The following ITIH2 variants were observed in gnomAD, a reference collection of about 807,000 sequenced individuals.
ITIH2 encodes inter-alpha-trypsin inhibitor heavy chain 2.
In ITIH2, 103 loss-of-function variants were observed where a neutral mutation model predicts 104.4. That is an observed-to-expected ratio of 0.99 (90% confidence interval 0.84 to 1.16). ITIH2 has a LOEUF of 1.16. Among genes scored for constraint, ITIH2 ranks in the 50% most tolerant of loss-of-function variants. ITIH2 has a pLI of 0.00. For synonymous variants in ITIH2, 436 were observed against 435.4 expected (o/e 1.00, Z -0.02); for missense variants, 1,108 against 1,162.4 (o/e 0.95, Z 0.68).
chr10:7,747,503 G>C (rs10737025), intron 20 of ITIH2, among the ~76,000 whole-genome samples: 87,753 of 152,058 alleles, frequency 0.58, 26,009 homozygotes, highest in East Asian at 0.66. Context: ...GGAGGAATGA[G>C]GTACCGACGG....
chr10:7,733,347 C>T (rs978729727), intron 14 of ITIH2, among the ~76,000 whole-genome samples: 2 of 151,610 alleles, frequency 1.3e-5, no homozygotes, highest in Admixed American at 6.6e-5. Flanking sequence ...CCGCCTGCCT[C>T]GGCTTCCTAA....
At chr10:7,725,231 G>T (rs1460355567) in intron 9 of ITIH2, among the ~76,000 whole-genome samples, 1 of 152,168 alleles carries the variant, frequency 6.6e-6, no homozygotes, top group African/African-American at 2.4e-5. Context: ...CAATTGCAGG[G>T]GTATGCAATT....
chr10:7,746,509 G>T, intron 19 of ITIH2, 84 bp from the exon 20 acceptor site: 1 of 885,696 alleles, frequency 1.1e-6, no homozygotes, highest in East Asian at 2.6e-5. Flanking sequence ...AGGGAGGACC[G>T]AAAGGTAGCA....
rs1835096029 is a variant in ITIH2, at chr10:7,738,731, T to C, written c.2068T>C (p.Ser690Pro). 6.2e-7 allele frequency: 1 copy of C among 1,612,210 alleles called. No homozygotes were observed. Among genetic ancestry groups the C allele is most frequent in the South Asian group, 1.1e-5 (1 of 90,950 alleles). ...MLAQGSQVLE[S>P]TPPPHVMRVE... ...GGCACAAGGATCTCAGGTGCTAGAG[T>C]CCACGCCACCCCCACATGTGATGAG... Residue 690 changes from serine to proline, a missense_variant, in exon 16 of 21, where the codon TCC becomes CCC. Physicochemically the swap from Ser to Pro is moderately conservative, Grantham distance 74. Coordinates refer to ENST00000358415, the MANE Select transcript of ITIH2 (RefSeq NM_002216.3).
At chr10:7,737,753 C>A (rs28631838) in intron 15 of ITIH2, among the ~76,000 whole-genome samples, 6,704 of 12,602 alleles carry the variant, frequency 0.53, 2,604 homozygotes, top group Non-Finnish European at 0.65. Context: ...ATATAATATT[C>A]TATATTATAT....
rs1443237661 is a variant in ITIH2 at position 7,723,544 on chromosome 10, A to T, written c.961A>T (p.Met321Leu). Reference protein sequence around the residue: ...ILFVIDVSGSMWGVKMKQTVE... With the variant: ...ILFVIDVSGSLWGVKMKQTVE... ...CTTTGTCATCGATGTGAGTGGCTCC[A>T]TGTGGGGAGTTAAAATGAAACAAGT... Residue 321 changes from methionine to leucine, a missense_variant, in exon 9 of 21, where the codon ATG becomes TTG. Met to Leu is a conservative substitution (Grantham distance 15, BLOSUM62 2). Transcript: ENST00000358415. 6.2e-6 allele frequency: 10 copies of T among 1,612,538 alleles called. No homozygotes were observed. The East Asian group carries it at 1.3e-4, about 22-fold the overall frequency.
At chr10:7,721,856 A>C (rs997271710) in intron 8 of ITIH2, 79 bp downstream of exon 8, 1 of 1,519,144 alleles carries the variant, frequency 6.6e-7, no homozygotes, top group Non-Finnish European at 9.0e-7. Context: ...TCCCAGGCCT[A>C]TGGGTGGTTT....
At chr10:7,727,573 AATGAAAT>A in intron 10 of ITIH2, 123 bp from the exon 11 acceptor site, 1 of 1,079,860 alleles carries the variant, frequency 9.3e-7, no homozygotes, top group Non-Finnish European at 1.4e-6. Flanking sequence ...CTCAGAAAGC[AATGAAAT>A]GATTTTGGCA....
intron 15 of ITIH2, among the ~76,000 whole-genome samples, chr10:7,736,365 G>GA (rs200098611): frequency 1.3e-5 from 2 of 151,608 alleles, no homozygotes; most frequent in South Asian, 2.1e-4. Flanking sequence ...ACCTTGTCTC[G>GA]AAAAAAAATT....
Position 7,741,328 on chromosome 10 carries a change from G to A in ITIH2, c.2096-1818G>A, listed in dbSNP as rs185051554. On this transcript the variant is annotated intron_variant, in intron 16 of 20. Transcript: ENST00000358415. ...AGAGTAGCTGGGATTACTGGTGCCC[G>A]CCACCACACCCGGCTAATTTTTTGT... 1.5e-4 allele frequency among the ~76,000 whole-genome samples: 23 copies of A among 151,974 alleles called. 1 individual carries two copies. The highest frequency in any genetic ancestry group is 1.4e-3 in the Admixed American group (21 of 15,246).
Position 7,732,004 on chromosome 10 carries a change from C to T in ITIH2, c.1647+8C>T. On this transcript the variant is annotated splice_region_variant and intron_variant, in intron 13 of 20. Transcript: ENST00000358415. ...GTTATCACGGCGACTTCGGTACTTC[C>T]ACTTATCCATTTATTCTATCTACTA... The T allele has an allele frequency of 6.2e-7, 1 of 1,606,054 alleles. No homozygotes were observed. Among genetic ancestry groups the T allele is most frequent in the Admixed American group, 1.7e-5 (1 of 59,830 alleles).
chr10:7,713,379 G>A (rs1834816106), intron 5 of ITIH2, 94 bp downstream of exon 5: 1 of 953,852 alleles, frequency 1.0e-6, no homozygotes, highest in Non-Finnish European at 1.6e-6. Flanking sequence ...CTCTGGAAAG[G>A]CACAGCACCT....
At chr10:7,724,897 C>G (rs1243478107) in intron 9 of ITIH2, among the ~76,000 whole-genome samples, 2 of 152,140 alleles carry the variant, frequency 1.3e-5, no homozygotes, top group Non-Finnish European at 2.9e-5. Flanking sequence ...AAACATTGCT[C>G]TAATACAACA....
At chr10:7,744,726 G>A (rs1835159104) in intron 18 of ITIH2, 65 bp from the exon 19 acceptor site, 2 of 1,399,792 alleles carry the variant, frequency 1.4e-6, no homozygotes. Context: ...TTAGGGGTGA[G>A]AAGAATGACT....
intron 4 of ITIH2, among the ~76,000 whole-genome samples, chr10:7,709,466 G>A (rs1361341587): frequency 1.3e-5 from 2 of 152,014 alleles, no homozygotes; most frequent in African/African-American, 2.4e-5. Context: ...ACTTTCTAGG[G>A]AGGAGAAAAA....
In ITIH2 at chr10:7,737,433, G is replaced by GTATA. The variant is rs372820455; in HGVS notation, c.1958-1177_1958-1174dup. Among the ~76,000 whole-genome samples, 608 of 124,190 alleles carry GTATA rather than the reference G, an allele frequency of 4.9e-3. 5 individuals carry two copies. The highest frequency in any genetic ancestry group is 0.011 in the East Asian group (49 of 4,270). The allele number at this position is 124,190 out of a possible 152,430, so 81.5% of individuals were successfully genotyped here. ...TATATATATATATATATATACACGTGTATATATATATATAACAGATAACGT... is the reference window on the plus strand; with the variant it reads ...TATATATATATATATATATACACGTGTATATATATATATATATAACAGATAACGT... On this transcript the variant is annotated intron_variant, in intron 15 of 20. Transcript: ENST00000358415.
At chr10:7,743,834 T>C (rs1835149597) in intron 17 of ITIH2, among the ~76,000 whole-genome samples, 1 of 152,066 alleles carries the variant, frequency 6.6e-6, no homozygotes, top group African/African-American at 2.4e-5. Flanking sequence ...ATTTAAATTT[T>C]ATAAACTGAC....
chr10:7,735,048 C>G lies in ITIH2; in HGVS notation c.1914C>G (p.Arg638=). The change falls in exon 15 of 21, where the codon CGC becomes CGG. Residue 638 remains arginine (R), a synonymous_variant. Transcript: ENST00000358415. ...LVIENEAGDE[R]MLADAPPQDP... The stretch of plus-strand genomic sequence containing the variant: ...TCGAGAACGAGGCTGGGGATGAGCG[C>G]ATGCTGGCGGATGCCCCACCGCAGG... 6.2e-7 allele frequency: 1 copy of G among 1,612,700 alleles called. No individual in the cohort carries two copies. Among genetic ancestry groups the G allele is most frequent in the Non-Finnish European group, 8.5e-7 (1 of 1,180,008 alleles).
chr10:7,726,879 T>C, intron 9 of ITIH2, 71 bp from the exon 10 acceptor site: 1 of 1,248,256 alleles, frequency 8.0e-7, no homozygotes, highest in South Asian at 1.7e-5. Context: ...GGATCAATGA[T>C]TGGTCTTCCT....
Sources: gnomAD v4.1 joint callset for allele counts (sites outside exome capture counted in the v4.1 genomes callset) on GRCh38, gnomAD v4.1.1 for gene constraint, MANE v1.5 for transcripts, NCBI Gene and HGNC (gene_info 2026-07-23, HGNC 2026-07-21) for gene names.